MCM10: variants seen among roughly 807,000 people sequenced by gnomAD.
The protein encoded by MCM10 is minichromosome maintenance 10 replication initiation factor.
MCM10 carries 91 observed loss-of-function variants against 109.9 expected under a neutral mutation model. That is an observed-to-expected ratio of 0.83 (90% CI 0.70 to 0.99). The LOEUF (loss-of-function observed/expected upper bound fraction) is 0.99, where lower values mean the gene tolerates loss of function less well. Among genes scored for constraint, MCM10 ranks in the 50% least tolerant of loss-of-function variants. The pLI is 0.00. For synonymous variants in MCM10, 380 were observed against 387.2 expected, an observed-to-expected ratio of 0.98 and a Z score of 0.22; for missense variants, 1,077 against 1,061.2, an observed-to-expected ratio of 1.01 and a Z score of -0.21.
At position 13,172,859 on chromosome 10, in the gene MCM10, T is replaced by G; in HGVS notation, c.592+94T>G. 2 of 1,254,570 alleles carry G rather than the reference T, an allele frequency of 1.6e-6. No individual in the cohort carries two copies. The highest frequency in any genetic ancestry group is 2.2e-6 in the Non-Finnish European group (2 of 890,492). The allele number at this position is 1,254,570 out of a possible 1,614,324, so 77.7% of individuals were successfully genotyped here. A position where few individuals can be genotyped will look rare whatever the true frequency, so the allele number is the denominator to read the frequency against. On this transcript the variant is annotated intron_variant, in intron 5 of 19. Transcript: ENST00000378714. This position sits in a 1 kb window ranked among gnomAD's most constrained non-coding sequence, Gnocchi z 5.2. ...GTGTGTGGGTGTCTGTGTCTTTTGG[T>G]CTGTCTTATGTCCCCATTGAGAAAG...
intron 2 of MCM10, among the ~76,000 whole-genome samples, chr10:13,166,688 A>ATATATG (rs1435674336): frequency 9.6e-5 from 13 of 135,930 alleles, no homozygotes; most frequent in African/African-American, 3.9e-4. Context: ...ATATATATAT[A>ATATATG]TCATCAGCTA....
At chr10:13,173,640 G>C (rs910042188) in intron 5 of MCM10, among the ~76,000 whole-genome samples, 6 of 152,206 alleles carry the variant, frequency 3.9e-5, no homozygotes, top group Admixed American at 2.6e-4. Context: ...CCTTTGAATA[G>C]CATGGGTCTG....
Position 13,182,819 on chromosome 10 carries a change from A to C in MCM10, c.931-114A>C, listed in dbSNP as rs767518251. The C allele has an allele frequency of 1.3e-6, 1 of 747,062 alleles. No individual in the cohort carries two copies. Among genetic ancestry groups the C allele is most frequent in the Admixed American group, 2.9e-5 (1 of 34,220 alleles). 46.3% of individuals were successfully genotyped at this position (747,062 alleles called of 1,614,324 possible). On this transcript the variant is annotated intron_variant, in intron 7 of 19. Transcript: ENST00000378714. The surrounding 1 kb of genome is among the most constrained non-coding windows in gnomAD (Gnocchi z 4.2). ...TACATATTTGAATAACAACAAAAAA[A>C]CTTGGATTTTATGGATTATAGGCAT...
intron 15 of MCM10, among the ~76,000 whole-genome samples, 182 bp downstream of exon 15, chr10:13,197,949 T>C (rs1834444857): frequency 6.6e-6 from 1 of 151,184 alleles, no homozygotes. Flanking sequence ...AGTCTTGCTC[T>C]GTTGCCAGGC....
At chr10:13,192,227 C>A in intron 11 of MCM10, 28 bp from the exon 12 acceptor site, 1 of 1,473,134 alleles carries the variant, frequency 6.8e-7, no homozygotes, top group Non-Finnish European at 9.5e-7. Flanking sequence ...AATGTGAATC[C>A]TCTAAAGCTG....
rs1324116801 is a variant in MCM10, at chr10:13,182,968, T to C, written c.966T>C (p.Leu322=). The part of the protein sequence containing the change: ...KTFSIWKLND[L]RDLTQCVSLF... ...TCAGCATATGGAAACTGAATGATCT[T>C]CGTGACCTGACACAATGTGTGTCCT... Residue 322 remains leucine, a synonymous_variant, in exon 8 of 20, where the codon CTT becomes CTC. Coordinates refer to ENST00000378714, the MANE Select transcript of MCM10 (RefSeq NM_018518.5). This position sits in a 1 kb window ranked among gnomAD's most constrained non-coding sequence, Gnocchi z 4.2. The C allele has an allele frequency of 6.2e-7, 1 of 1,613,970 alleles. No individual in the cohort carries two copies. Among genetic ancestry groups the C allele is most frequent in the Non-Finnish European group, 8.5e-7 (1 of 1,180,010 alleles).
chr10:13,186,392 G>T, intron 9 of MCM10, 112 bp downstream of exon 9: 1 of 669,096 alleles, frequency 1.5e-6, no homozygotes. Flanking sequence ...CCCACTTAAA[G>T]GAAGAGTCAA....
chr10:13,180,735 AC>A, intron 7 of MCM10, 128 bp downstream of exon 7: 2 of 1,065,926 alleles, frequency 1.9e-6, no homozygotes, highest in Non-Finnish European at 2.8e-6. Context: ...TTCCAGAATC[AC>A]CACACATCAT....
chr10:13,187,117 C>T (rs1834285375), intron 9 of MCM10, among the ~76,000 whole-genome samples: 2 of 152,148 alleles, frequency 1.3e-5, no homozygotes, highest in Non-Finnish European at 2.9e-5. Context: ...AACCCAGTAC[C>T]CACTAGCAAT....
chr10:13,189,120 C>T (rs1293638150), intron 10 of MCM10, 40 bp downstream of exon 10: 3 of 1,606,982 alleles, frequency 1.9e-6, no homozygotes, highest in Middle Eastern at 1.7e-4. Flanking sequence ...GAGGATTTTG[C>T]TTATCAAAGA....
intron 13 of MCM10, among the ~76,000 whole-genome samples, chr10:13,193,223 A>G (rs1834372393): frequency 1.3e-5 from 2 of 152,120 alleles, no homozygotes; most frequent in Admixed American, 6.5e-5. Flanking sequence ...GATAAAGGAC[A>G]AAACTGAAGC....
At chr10:13,191,495 C>T (rs1000267250) in intron 11 of MCM10, 96 bp downstream of exon 11, 47 of 887,756 alleles carry the variant, frequency 5.3e-5, no homozygotes, top group Middle Eastern at 2.6e-4. Flanking sequence ...TACACTGCTC[C>T]GGTGATGGGT....
intron 16 of MCM10, among the ~76,000 whole-genome samples, chr10:13,201,017 C>G (rs1834491261): frequency 6.6e-6 from 1 of 152,126 alleles, no homozygotes; most frequent in Non-Finnish European, 1.5e-5. Context: ...ATGTGGCGGG[C>G]ACCTGTAGTC....
rs1369460200 is a variant in MCM10, at chr10:13,172,517, A to G, written c.454+37A>G. 6.2e-7 allele frequency: 1 copy of G among 1,605,892 alleles called. No homozygotes were observed. Among genetic ancestry groups the G allele is most frequent in the South Asian group, 1.1e-5 (1 of 90,544 alleles). On this transcript the variant is annotated intron_variant, in intron 4 of 19. Transcript: ENST00000378714. This position sits in a 1 kb window ranked among gnomAD's most constrained non-coding sequence, Gnocchi z 5.2. ...GTCATTCTGGCAATCGTGTGCATTT[A>G]TTTTATTAGAAATTATCACATCATT... is the stretch of plus-strand genomic sequence containing the variant.
At chr10:13,203,485 ACACT>A (rs1307655021) in intron 17 of MCM10, among the ~76,000 whole-genome samples, 1 of 151,962 alleles carries the variant, frequency 6.6e-6, no homozygotes, top group Non-Finnish European at 1.5e-5. Flanking sequence ...GGACCATCAC[ACACT>A]CACAGTTTCG....
intron 5 of MCM10, among the ~76,000 whole-genome samples, chr10:13,173,798 T>G (rs1834106063): frequency 6.6e-6 from 1 of 152,096 alleles, no homozygotes; most frequent in African/African-American, 2.4e-5. Context: ...TGTCCAAAGT[T>G]TGGTTTTAAG....
chr10:13,197,353 A>T (rs894767530), intron 14 of MCM10, among the ~76,000 whole-genome samples: 1 of 152,130 alleles, frequency 6.6e-6, no homozygotes, highest in African/African-American at 2.4e-5. Flanking sequence ...TGGCTCCTTT[A>T]TGGATCTGGA....
At chr10:13,197,064 T>G (rs1834430986) in intron 14 of MCM10, among the ~76,000 whole-genome samples, 1 of 152,052 alleles carries the variant, frequency 6.6e-6, no homozygotes, top group African/African-American at 2.4e-5. Context: ...TAGCTGGGAC[T>G]ACAGGCATGC....
Position 13,210,425 on chromosome 10 carries a change from T to C in MCM10, c.*1115T>C, listed in dbSNP as rs534038552. The C allele has an allele frequency of 1.3e-5, 2 of 152,310 alleles. No homozygotes were observed. The highest frequency in any genetic ancestry group is 2.1e-4 in the South Asian group (1 of 4,824). 9.4% of individuals were successfully genotyped at this position (152,310 alleles called of 1,614,324 possible). A position where few individuals can be genotyped will look rare whatever the true frequency, so the allele number is the denominator to read the frequency against. ...CTGGTTTTCCAAATATCATTTGACC[T>C]AAGTGAATGTTGATACTAGCTAAAG... On this transcript the variant is annotated 3_prime_UTR_variant, in exon 20 of 20. Coordinates refer to ENST00000378714, the MANE Select transcript of MCM10 (RefSeq NM_018518.5).
Sources: allele counts gnomAD v4.1 joint callset (sites outside exome capture counted in the v4.1 genomes callset), GRCh38; gene constraint gnomAD v4.1.1; non-coding constraint Gnocchi (gnomAD v3.1); transcripts MANE v1.5; gene names NCBI Gene and HGNC (gene_info 2026-07-23, HGNC 2026-07-21).